AKAP10: variants seen among roughly 807,000 people sequenced by gnomAD.
AKAP10 encodes A-kinase anchoring protein 10.
Under a neutral mutation model 80.8 loss-of-function variants are expected in AKAP10, and 24 were observed. The ratio of observed to expected loss-of-function variants is 0.30; its 90% CI spans 0.22 to 0.42. The LOEUF (loss-of-function observed/expected upper bound fraction) is 0.42. Among genes scored for constraint, AKAP10 ranks in the 10% least tolerant of loss-of-function variants. The pLI, the probability that AKAP10 is intolerant of heterozygous loss-of-function variation, is 1.00. For synonymous variants in AKAP10, 291 were observed against 277.7 expected (o/e 1.05, Z -0.48); for missense variants, 661 against 794.9 (o/e 0.83, Z 2.03).
chr17:19,971,626 T>A (rs2152419744), intron 1 of AKAP10, among the ~76,000 whole-genome samples: 1 of 152,336 alleles, frequency 6.6e-6, no homozygotes, highest in South Asian at 2.1e-4. Context: ...AGCTCTAGTT[T>A]ATTCATTTTA....
chr17:19,948,449 C>T (rs2043160108), intron 4 of AKAP10, among the ~76,000 whole-genome samples: 3 of 152,158 alleles, frequency 2.0e-5, no homozygotes, highest in Non-Finnish European at 2.9e-5. Flanking sequence ...TGTTTTGTTC[C>T]TTTCTCTCCT....
At chr17:19,950,402 C>T (rs926379399) in intron 4 of AKAP10, among the ~76,000 whole-genome samples, 3 of 152,256 alleles carry the variant, frequency 2.0e-5, no homozygotes, top group Non-Finnish European at 4.4e-5. Context: ...CTCACTGCAA[C>T]CTCCCTGCCT....
At chr17:19,976,243 TTGGGAGGCCGAGG>T (rs977923010) in intron 1 of AKAP10, among the ~76,000 whole-genome samples, 3 of 152,056 alleles carry the variant, frequency 2.0e-5, no homozygotes, top group Non-Finnish European at 2.9e-5. Flanking sequence ...TCCTGGCACT[TTGGGAGGCCGAGG>T]TGGGAGGCCC....
chr17:19,932,084 T>A (rs2042939904), intron 9 of AKAP10, 106 bp from the exon 10 acceptor site: 1 of 1,000,098 alleles, frequency 1.0e-6, no homozygotes. Flanking sequence ...AAATGTTAAC[T>A]ACCTATAACA....
intron 9 of AKAP10, among the ~76,000 whole-genome samples, chr17:19,933,221 G>A (rs2042956986): frequency 6.6e-6 from 1 of 152,130 alleles, no homozygotes. Context: ...GTTTCGCCAT[G>A]TTGGCCAAGC....
chr17:19,960,487 T>C (rs1439446402), intron 3 of AKAP10, among the ~76,000 whole-genome samples: 2 of 152,244 alleles, frequency 1.3e-5, no homozygotes, highest in African/African-American at 2.4e-5. Context: ...TCTGACAGCA[T>C]AATTCCCTTG....
chr17:19,969,048 T>C (rs1476013285), intron 1 of AKAP10, among the ~76,000 whole-genome samples: 3 of 152,126 alleles, frequency 2.0e-5, no homozygotes, highest in Admixed American at 6.6e-5. Context: ...ACTCAGAGTA[T>C]AATAATTTGT....
chr17:19,958,859 T>A (rs1316057985), intron 3 of AKAP10, among the ~76,000 whole-genome samples: 1 of 135,262 alleles, frequency 7.4e-6, no homozygotes, highest in South Asian at 2.2e-4. Flanking sequence ...TTTTTTTTTT[T>A]TTTTTTTTTG....
chr17:19,916,649 A>C (rs987324790), intron 12 of AKAP10, among the ~76,000 whole-genome samples: 1 of 151,970 alleles, frequency 6.6e-6, no homozygotes, highest in African/African-American at 2.4e-5. Flanking sequence ...AAAAAAAAAA[A>C]AAATCAGGCC....
chr17:19,967,292 G>A (rs929939562), intron 2 of AKAP10, among the ~76,000 whole-genome samples: 2 of 152,040 alleles, frequency 1.3e-5, no homozygotes, highest in African/African-American at 2.4e-5. Context: ...ACAATGTATC[G>A]ATCCCAACAA....
intron 12 of AKAP10, among the ~76,000 whole-genome samples, chr17:19,914,284 G>A (rs551687640): frequency 2.4e-4 from 36 of 152,266 alleles, no homozygotes; most frequent in African/African-American, 7.7e-4. Flanking sequence ...ACAGGTGTGA[G>A]GCACCATGTC....
rs374297783 is a variant in AKAP10, at chr17:19,937,621, T to A, written c.1323-1191A>T. 2.4e-4 allele frequency among the ~76,000 whole-genome samples: 37 copies of A among 152,374 alleles called. 1 individual carries two copies. The South Asian group carries it at 7.2e-3, about 30-fold the overall frequency. ...GGTCAATACTCCTCCACGACTTGAA[T>A]GTTCAGGCATTTTAGACCAAATTTC... On this transcript the variant is annotated intron_variant, in intron 8 of 14. Coordinates refer to ENST00000225737, the MANE Select transcript of AKAP10 (RefSeq NM_007202.4).
At chr17:19,970,828 A>T (rs111589423) in intron 1 of AKAP10, among the ~76,000 whole-genome samples, 2,481 of 150,068 alleles carry the variant, frequency 0.017, 49 homozygotes, top group African/African-American at 0.057. Context: ...GTCTTAAAAA[A>T]AAAAAAATAA....
intron 4 of AKAP10, among the ~76,000 whole-genome samples, chr17:19,949,794 A>C (rs1352680102): frequency 6.6e-6 from 1 of 151,906 alleles, no homozygotes; most frequent in Non-Finnish European, 1.5e-5. Flanking sequence ...AAAAAAAAAA[A>C]AACGGTGTTA....
chr17:19,921,737 A>G (rs2042819568), intron 11 of AKAP10, among the ~76,000 whole-genome samples: 1 of 152,084 alleles, frequency 6.6e-6, no homozygotes, highest in African/African-American at 2.4e-5. Context: ...GAAGCATATA[A>G]AAAGAGATCC....
intron 9 of AKAP10, among the ~76,000 whole-genome samples, chr17:19,933,528 A>G (rs2042960526): frequency 6.6e-6 from 1 of 152,102 alleles, no homozygotes; most frequent in Non-Finnish European, 1.5e-5. Flanking sequence ...AGTAAGAACT[A>G]TTTTTGCATT....
At chr17:19,907,987 C>G (rs1038555778) in intron 14 of AKAP10, among the ~76,000 whole-genome samples, 8 of 152,040 alleles carry the variant, frequency 5.3e-5, no homozygotes, top group African/African-American at 1.9e-4. Flanking sequence ...CCTCAGCCTC[C>G]CAAGTAGCCG....
intron 9 of AKAP10, among the ~76,000 whole-genome samples, chr17:19,933,467 G>A (rs1396874418): frequency 6.6e-6 from 1 of 152,010 alleles, no homozygotes; most frequent in Non-Finnish European, 1.5e-5. Flanking sequence ...AACTACCAGG[G>A]TCTTGACAGT....
intron 4 of AKAP10, among the ~76,000 whole-genome samples, chr17:19,953,555 C>A (rs1257566927): frequency 2.0e-5 from 3 of 152,048 alleles, no homozygotes; most frequent in African/African-American, 7.2e-5. Context: ...AAGAGGGATA[C>A]CACTACAAAC....
Sources: allele counts gnomAD v4.1 joint callset (sites outside exome capture counted in the v4.1 genomes callset), GRCh38; gene constraint gnomAD v4.1.1; transcripts MANE v1.5; gene names NCBI Gene and HGNC (gene_info 2026-07-23, HGNC 2026-07-21).